The following KCNG2 variants were observed in gnomAD, a reference collection of about 807,000 sequenced individuals.
The protein encoded by KCNG2 is voltage-gated potassium channel regulatory subunit KCNG2.
In KCNG2, 7 loss-of-function variants were observed where a neutral mutation model predicts 12.3. The observed-to-expected ratio is 0.57, with a 90% CI of 0.32 to 1.07. The LOEUF (loss-of-function observed/expected upper bound fraction) is 1.07. Among genes scored for constraint, KCNG2 ranks in the 50% least tolerant of loss-of-function variants. The pLI, the probability that KCNG2 is intolerant of heterozygous loss-of-function variation, is 0.04. For synonymous variants in KCNG2, 414 were observed against 351.4 expected, an observed-to-expected ratio of 1.18 and a Z score of -1.99; for missense variants, 703 against 726.0, an observed-to-expected ratio of 0.97 and a Z score of 0.36.
chr18:79,809,524 C>T (rs1428875358), intron 1 of KCNG2, among the ~76,000 whole-genome samples: 1 of 99,230 alleles, frequency 1.0e-5, no homozygotes, highest in Non-Finnish European at 2.2e-5. Flanking sequence ...CTGCCGGGGC[C>T]GCGCTGACCA....
intron 3 of KCNG2, among the ~76,000 whole-genome samples, chr18:79,898,718 T>C (rs988239394): frequency 2.0e-5 from 3 of 152,248 alleles, no homozygotes; most frequent in African/African-American, 7.2e-5. Context: ...TATAAATAGA[T>C]GTTTCTTCGT....
At chr18:79,821,219 CAT>C (rs935041406) in intron 1 of KCNG2, among the ~76,000 whole-genome samples, 35 of 151,718 alleles carry the variant, frequency 2.3e-4, no homozygotes, top group South Asian at 4.2e-4. Context: ...GATTTGACCA[CAT>C]GTTTTATTCT....
chr18:79,875,112 T>C (rs1980015418), intron 3 of KCNG2, among the ~76,000 whole-genome samples: 1 of 152,146 alleles, frequency 6.6e-6, no homozygotes, highest in South Asian at 2.1e-4. Flanking sequence ...GGGTGGGTCA[T>C]AGAAACCACA....
At chr18:79,842,364 T>C (rs1218348425) in intron 1 of KCNG2, among the ~76,000 whole-genome samples, 4 of 152,146 alleles carry the variant, frequency 2.6e-5, no homozygotes, top group Admixed American at 2.6e-4. Context: ...GATAAAGGGC[T>C]CTCCTTGCCA....
chr18:79,847,046 G>A (rs1978651731), intron 1 of KCNG2, among the ~76,000 whole-genome samples: 1 of 152,376 alleles, frequency 6.6e-6, no homozygotes, highest in South Asian at 2.1e-4. Flanking sequence ...CCAGAACAGA[G>A]GCAGGCAGCG....
intron 1 of KCNG2, among the ~76,000 whole-genome samples, chr18:79,847,267 C>A (rs1978658235): frequency 6.6e-6 from 1 of 152,202 alleles, no homozygotes; most frequent in Admixed American, 6.5e-5. Context: ...CCGTCTGGAA[C>A]TGTGGACGTT....
At chr18:79,804,802 C>T (rs2087436495) in intron 1 of KCNG2, among the ~76,000 whole-genome samples, 1 of 152,282 alleles carries the variant, frequency 6.6e-6, no homozygotes, top group Non-Finnish European at 1.5e-5. Flanking sequence ...AAAAGCAGTA[C>T]ACTTTTATCA....
chr18:79,830,632 C>T (rs907263488), intron 1 of KCNG2, among the ~76,000 whole-genome samples: 13 of 152,222 alleles, frequency 8.5e-5, no homozygotes, highest in African/African-American at 3.1e-4. Context: ...AAGAGACTCC[C>T]GAGTGATGAG....
intron 1 of KCNG2, among the ~76,000 whole-genome samples, chr18:79,824,524 C>T (rs1033147380): frequency 6.6e-6 from 1 of 152,134 alleles, no homozygotes; most frequent in African/African-American, 2.4e-5. Context: ...TAGTTTTATT[C>T]ATTAATACCT....
chr18:79,820,028 C>T (rs914578384), intron 1 of KCNG2, among the ~76,000 whole-genome samples: 1 of 152,234 alleles, frequency 6.6e-6, no homozygotes, highest in Admixed American at 6.5e-5. Context: ...GGAGCTCCTT[C>T]CTTCTCCGAA....
intron 1 of KCNG2, among the ~76,000 whole-genome samples, chr18:79,848,928 TA>T (rs1220202701): frequency 6.6e-6 from 1 of 152,146 alleles, no homozygotes; most frequent in African/African-American, 2.4e-5. Context: ...CATAGGCTGT[TA>T]GGGGTTAATG....
chr18:79,866,201 CGTGCTGAGAAGTCT>C (rs1411277386), intron 3 of KCNG2, among the ~76,000 whole-genome samples: 1 of 97,048 alleles, frequency 1.0e-5, no homozygotes, highest in Non-Finnish European at 2.0e-5. Context: ...CTGAAGTCTG[CGTGCTGAGAAGTCT>C]GTGCTGAGAG....
intron 1 of KCNG2, among the ~76,000 whole-genome samples, chr18:79,807,848 C>G (rs1219186234): frequency 1.7e-5 from 2 of 119,722 alleles, no homozygotes; most frequent in Non-Finnish European, 3.4e-5. Context: ...CGGGGCCGCG[C>G]TGACCACACT....
At chr18:79,843,227 C>T (rs1167656496) in intron 1 of KCNG2, among the ~76,000 whole-genome samples, 1 of 152,090 alleles carries the variant, frequency 6.6e-6, no homozygotes, top group Admixed American at 6.5e-5. Flanking sequence ...AAAAAAAAGT[C>T]AACCAAGAAT....
intron 3 of KCNG2, among the ~76,000 whole-genome samples, chr18:79,873,674 T>C (rs1335216352): frequency 6.6e-6 from 1 of 152,166 alleles, no homozygotes; most frequent in Non-Finnish European, 1.5e-5. Context: ...CCTCAGTGTC[T>C]GTTCGCGGCA....
chr18:79,834,228 C>T (rs781078549), intron 1 of KCNG2, among the ~76,000 whole-genome samples: 13 of 152,342 alleles, frequency 8.5e-5, no homozygotes, highest in Admixed American at 6.5e-4. Context: ...CCGTTTGCCT[C>T]GGCGGCACCA....
At chr18:79,831,923 G>A (rs892067018) in intron 1 of KCNG2, among the ~76,000 whole-genome samples, 2 of 152,208 alleles carry the variant, frequency 1.3e-5, no homozygotes, top group African/African-American at 4.8e-5. Context: ...CCCAGCTTGG[G>A]CTCTTCTCCT....
intron 3 of KCNG2, among the ~76,000 whole-genome samples, chr18:79,865,607 TTC>T (rs1979469062): frequency 7.6e-6 from 1 of 131,324 alleles, no homozygotes. Flanking sequence ...AAGTTCTGTG[TTC>T]TGAGAGGTCT....
intron 1 of KCNG2, among the ~76,000 whole-genome samples, chr18:79,824,992 C>T (rs1387550730): frequency 2.0e-5 from 3 of 152,246 alleles, no homozygotes; most frequent in Admixed American, 2.0e-4. Context: ...AGAGAGCTTT[C>T]CTTCCTTCTC....
Sources: gnomAD v4.1 joint callset for allele counts (sites outside exome capture counted in the v4.1 genomes callset) on GRCh38, gnomAD v4.1.1 for gene constraint, MANE v1.5 for transcripts, NCBI Gene and HGNC (gene_info 2026-07-23, HGNC 2026-07-21) for gene names.